Variants in NRP1 observed in about 807,000 individuals in gnomAD.
NRP1 encodes the protein neuropilin 1.
NRP1 carries 35 observed loss-of-function variants against 106.7 expected under a neutral mutation model. That is an observed-to-expected ratio of 0.33 (90% CI 0.25 to 0.43). The LOEUF is 0.43. Ranked by LOEUF, NRP1 falls within the 20% of genes least tolerant of loss-of-function variation. The probability of loss-of-function intolerance (pLI) is 1.00; values close to 1 mark genes in which losing one functional copy is unlikely to be tolerated. For synonymous variants in NRP1, 437 were observed against 417.9 expected (o/e 1.05, Z -0.56); for missense variants, 1,024 against 1,170.4 (o/e 0.87, Z 1.83).
chr10:33,268,475 C>T (rs1261929607), intron 3 of NRP1, among the ~76,000 whole-genome samples: 11 of 152,190 alleles, frequency 7.2e-5, no homozygotes, highest in Admixed American at 5.9e-4. Flanking sequence ...CAAAAGAAGA[C>T]TTCAAGTCTG....
chr10:33,294,536 C>G (rs1408174784), intron 2 of NRP1, among the ~76,000 whole-genome samples: 1 of 149,412 alleles, frequency 6.7e-6, no homozygotes, highest in Non-Finnish European at 1.5e-5. Context: ...GAGAATCACT[C>G]GAACCCGGGA....
At chr10:33,232,484 G>A (rs1840220518) in intron 6 of NRP1, among the ~76,000 whole-genome samples, 1 of 152,030 alleles carries the variant, frequency 6.6e-6, no homozygotes. Flanking sequence ...GGGATGGAAT[G>A]GAACATCAAA....
At chr10:33,256,107 C>T (rs2133190660) in intron 5 of NRP1, among the ~76,000 whole-genome samples, 1 of 152,300 alleles carries the variant, frequency 6.6e-6, no homozygotes, top group Admixed American at 6.5e-5. Context: ...GGCTCCCAAG[C>T]AGGCTTCTCA....
intron 2 of NRP1, among the ~76,000 whole-genome samples, chr10:33,272,806 T>C (rs961763172): frequency 5.3e-5 from 8 of 152,248 alleles, no homozygotes; most frequent in South Asian, 2.1e-4. Flanking sequence ...CAATATAGGC[T>C]TTTTACTTGA....
At chr10:33,202,585 T>TGGG in intron 11 of NRP1, 1 of 872,520 alleles carries the variant, frequency 1.1e-6, no homozygotes, top group South Asian at 3.0e-5. Context: ...GGTCTGAAAA[T>TGGG]AATGAAAATA....
At chr10:33,217,812 GA>G (rs1838898621) in intron 8 of NRP1, among the ~76,000 whole-genome samples, 1 of 152,154 alleles carries the variant, frequency 6.6e-6, no homozygotes, top group Non-Finnish European at 1.5e-5. Flanking sequence ...AGGGAGAAAT[GA>G]GTTTTGTAAT....
At chr10:33,180,464 AC>A in intron 16 of NRP1, 99 bp from the exon 17 acceptor site, 1 of 1,220,812 alleles carries the variant, frequency 8.2e-7, no homozygotes, top group Non-Finnish European at 1.1e-6. Context: ...CAAATCACAC[AC>A]CCCAGTTTTG....
chr10:33,310,165 G>GGTCTT (rs1489684545), intron 2 of NRP1, among the ~76,000 whole-genome samples: 1 of 151,004 alleles, frequency 6.6e-6, no homozygotes, highest in East Asian at 2.0e-4. Flanking sequence ...TAACCAGGAT[G>GGTCTT]GTCTTGATCT....
chr10:33,199,016 C>G (rs1029991392), intron 11 of NRP1, among the ~76,000 whole-genome samples: 1 of 152,022 alleles, frequency 6.6e-6, no homozygotes, highest in Non-Finnish European at 1.5e-5. Flanking sequence ...TTAGCTTTAC[C>G]CTCTCTTCCA....
Position 33,334,366 on chromosome 10 carries a change from G to A in NRP1, c.17C>T (p.Pro6Leu). ...GAGGGCGAGCACGGCGCAGAGGAGCGGCAGCCCCCTCTCCATTCTCCCTTC... is the reference window on the plus strand; with the variant it reads ...GAGGGCGAGCACGGCGCAGAGGAGCAGCAGCCCCCTCTCCATTCTCCCTTC... MERGL[P>L]LLCAVLALVL... The change falls in exon 1 of 17, where the codon CCG becomes CTG. Residue 6 changes from proline (P) to leucine (L), a missense_variant. Physicochemically the swap from Pro to Leu is moderately conservative, Grantham distance 98. Transcript: ENST00000374867. The A allele has an allele frequency of 6.5e-7, 1 of 1,546,082 alleles. No homozygotes were observed. The highest frequency in any genetic ancestry group is 8.7e-7 in the Non-Finnish European group (1 of 1,147,250).
chr10:33,225,555 G>A (rs778621731), intron 7 of NRP1, among the ~76,000 whole-genome samples: 1 of 152,216 alleles, frequency 6.6e-6, no homozygotes, highest in Non-Finnish European at 1.5e-5. Context: ...GCAGAGCGCC[G>A]AGGGACACGG....
chr10:33,208,613 G>C (rs1838015386), intron 9 of NRP1, among the ~76,000 whole-genome samples: 1 of 152,084 alleles, frequency 6.6e-6, no homozygotes, highest in South Asian at 2.1e-4. Flanking sequence ...AAGGCGGAGG[G>C]GGAGGAGGAA....
chr10:33,247,643 C>T (rs1841522091), intron 6 of NRP1, among the ~76,000 whole-genome samples: 1 of 152,200 alleles, frequency 6.6e-6, no homozygotes, highest in Non-Finnish European at 1.5e-5. Flanking sequence ...CTCCAGCATA[C>T]CTCAGTCGCA....
intron 11 of NRP1, among the ~76,000 whole-genome samples, chr10:33,198,575 G>GA (rs1215253871): frequency 2.0e-5 from 3 of 152,100 alleles, no homozygotes; most frequent in Non-Finnish European, 4.4e-5. Context: ...TTGCAACAGT[G>GA]AAAAGCAAAG....
At chr10:33,267,098 G>A (rs954321776) in intron 3 of NRP1, among the ~76,000 whole-genome samples, 10 of 152,212 alleles carry the variant, frequency 6.6e-5, no homozygotes, top group African/African-American at 2.2e-4. Flanking sequence ...CTCCTGCTCC[G>A]GCCATTGTGA....
intron 7 of NRP1, among the ~76,000 whole-genome samples, chr10:33,222,464 C>T (rs571377346): frequency 1.4e-4 from 22 of 152,028 alleles, no homozygotes; most frequent in Non-Finnish European, 3.1e-4. Context: ...TTATTTTTAA[C>T]TAAAAATCAG....
intron 6 of NRP1, among the ~76,000 whole-genome samples, chr10:33,239,741 A>T (rs1840869300): frequency 6.6e-6 from 1 of 152,198 alleles, no homozygotes; most frequent in Non-Finnish European, 1.5e-5. Flanking sequence ...CAGAGATTAA[A>T]TACATTTTTC....
At chr10:33,237,633 G>A (rs1840682994) in intron 6 of NRP1, among the ~76,000 whole-genome samples, 1 of 140,824 alleles carries the variant, frequency 7.1e-6, no homozygotes, top group African/African-American at 2.7e-5. Context: ...AGGCTGGAGT[G>A]CAACGGTGGA....
intron 2 of NRP1, among the ~76,000 whole-genome samples, chr10:33,312,519 G>C (rs1255708359): frequency 6.6e-6 from 1 of 152,242 alleles, no homozygotes; most frequent in African/African-American, 2.4e-5. Context: ...AAATGCTATT[G>C]TAGGAATAAA....
Sources: gnomAD v4.1 joint callset for allele counts (sites outside exome capture counted in the v4.1 genomes callset) on GRCh38, gnomAD v4.1.1 for gene constraint, MANE v1.5 for transcripts, NCBI Gene and HGNC (gene_info 2026-07-23, HGNC 2026-07-21) for gene names.